Variants in EYA4 observed in about 807,000 individuals in gnomAD.
EYA4 encodes the protein protein phosphatase EYA4.
Under a neutral mutation model 87.9 loss-of-function variants are expected in EYA4, and 31 were observed. The observed-to-expected ratio is 0.35, with a 90% CI of 0.27 to 0.48. EYA4 has a LOEUF of 0.48. Ranked by LOEUF, EYA4 falls within the 20% of genes least tolerant of loss-of-function variation. EYA4 has a pLI of 0.99. For synonymous variants in EYA4, 263 were observed against 270.6 expected, an observed-to-expected ratio of 0.97 and a Z score of 0.28; for missense variants, 678 against 761.4, an observed-to-expected ratio of 0.89 and a Z score of 1.29.
At chr6:133,294,567 CT>C (rs1186312035) in intron 2 of EYA4, among the ~76,000 whole-genome samples, 1 of 151,374 alleles carries the variant, frequency 6.6e-6, no homozygotes, top group Non-Finnish European at 1.5e-5. Flanking sequence ...ATTTCTTCTT[CT>C]TTTTTTAATT....
chr6:133,342,690 A>G (rs1354058565), intron 2 of EYA4, among the ~76,000 whole-genome samples: 2 of 150,298 alleles, frequency 1.3e-5, no homozygotes, highest in Non-Finnish European at 3.0e-5. Flanking sequence ...TAGCATTTTT[A>G]TATCTGGGCC....
At chr6:133,334,722 A>G (rs1338809436) in intron 2 of EYA4, among the ~76,000 whole-genome samples, 1 of 152,200 alleles carries the variant, frequency 6.6e-6, no homozygotes, top group East Asian at 1.9e-4. Context: ...TATAAAATAG[A>G]CTATTGAAAA....
At chr6:133,241,118 G>A (rs1444635858), upstream of EYA4, among the ~76,000 whole-genome samples, 2 of 152,096 alleles carry the variant, frequency 1.3e-5, no homozygotes, top group Non-Finnish European at 2.9e-5. Context: ...CGAGGCCCTG[G>A]GCGGTCCCCA....
chr6:133,467,957 G>A (rs1794993002), intron 10 of EYA4, among the ~76,000 whole-genome samples: 1 of 152,068 alleles, frequency 6.6e-6, no homozygotes, highest in Non-Finnish European at 1.5e-5. Flanking sequence ...CTAAATCATT[G>A]AAAAGTTCAC....
intron 9 of EYA4, among the ~76,000 whole-genome samples, chr6:133,463,575 G>A (rs920852749): frequency 3.4e-4 from 52 of 151,932 alleles, no homozygotes; most frequent in African/African-American, 1.0e-3. Context: ...TGATCAGGCT[G>A]GTCTCAAACT....
At chr6:133,519,314 T>C (rs904331456) in intron 17 of EYA4, among the ~76,000 whole-genome samples, 9 of 151,854 alleles carry the variant, frequency 5.9e-5, no homozygotes, top group African/African-American at 1.9e-4. Context: ...ATAAAGGGGA[T>C]ATCACCACCA....
At chr6:133,523,882 G>A (rs1800400486) in intron 18 of EYA4, among the ~76,000 whole-genome samples, 1 of 152,104 alleles carries the variant, frequency 6.6e-6, no homozygotes, top group South Asian at 2.1e-4. Flanking sequence ...GAAAATAAAT[G>A]GGTTGTGTAA....
intron 11 of EYA4, among the ~76,000 whole-genome samples, chr6:133,469,207 G>GAAAC (rs1795119750): frequency 6.6e-6 from 1 of 151,972 alleles, no homozygotes; most frequent in African/African-American, 2.4e-5. Flanking sequence ...TCCATTGTGT[G>GAAAC]TTTCATTATC....
intron 17 of EYA4, among the ~76,000 whole-genome samples, chr6:133,518,405 T>TA (rs1799791972): frequency 6.6e-6 from 1 of 152,086 alleles, no homozygotes; most frequent in Non-Finnish European, 1.5e-5. Flanking sequence ...CCACATATAT[T>TA]ACCATATTGA....
intron 2 of EYA4, among the ~76,000 whole-genome samples, chr6:133,379,230 C>T (rs746684948): frequency 5.1e-4 from 78 of 151,926 alleles, no homozygotes; most frequent in Non-Finnish European, 9.6e-4. Flanking sequence ...CATGATTGCA[C>T]CTATGAATAG....
intron 17 of EYA4, among the ~76,000 whole-genome samples, chr6:133,517,122 A>G (rs1340497823): frequency 6.6e-6 from 1 of 152,174 alleles, no homozygotes; most frequent in African/African-American, 2.4e-5. Flanking sequence ...GAACTAATTT[A>G]CACTCCCACC....
chr6:133,485,891 C>T (rs565365870), intron 13 of EYA4, among the ~76,000 whole-genome samples: 5 of 152,204 alleles, frequency 3.3e-5, no homozygotes, highest in South Asian at 2.1e-4. Flanking sequence ...GTGGTTCAGC[C>T]GATGTTTGAC....
At chr6:133,273,097 G>GTATATATATATATA (rs3065331) in intron 1 of EYA4, among the ~76,000 whole-genome samples, 10 of 106,636 alleles carry the variant, frequency 9.4e-5, no homozygotes, top group African/African-American at 3.2e-4. Flanking sequence ...ATATATATAT[G>GTATATATATATATA]TATATATATA....
intron 2 of EYA4, among the ~76,000 whole-genome samples, chr6:133,318,904 G>T (rs1303375354): frequency 6.6e-6 from 1 of 152,160 alleles, no homozygotes; most frequent in Non-Finnish European, 1.5e-5. Flanking sequence ...TTAATGCGAT[G>T]ATCTGAGCAT....
chr6:133,360,658 C>A (rs1165234207), intron 2 of EYA4: 9 of 152,136 alleles, frequency 5.9e-5, no homozygotes, highest in Admixed American at 5.9e-4. Context: ...AAGAAAGTGG[C>A]ATTTCAACAC....
At chr6:133,352,637 A>G (rs1392889119) in intron 2 of EYA4, among the ~76,000 whole-genome samples, 1 of 152,192 alleles carries the variant, frequency 6.6e-6, no homozygotes, top group South Asian at 2.1e-4. Context: ...ACACTATTTC[A>G]TCAGTAAATA....
At chr6:133,347,378 T>A (rs1291031638) in intron 2 of EYA4, among the ~76,000 whole-genome samples, 1 of 152,160 alleles carries the variant, frequency 6.6e-6, no homozygotes, top group African/African-American at 2.4e-5. Context: ...TTTCAAAATA[T>A]ATAACTGCAT....
chr6:133,478,572 T>A (rs897972912), intron 11 of EYA4, among the ~76,000 whole-genome samples: 10 of 152,188 alleles, frequency 6.6e-5, no homozygotes, highest in East Asian at 1.9e-4. Context: ...ATAAAAAAAA[T>A]TTTTAAAGAA....
chr6:133,295,644 T>A (rs1442487593), intron 2 of EYA4, among the ~76,000 whole-genome samples: 3 of 152,240 alleles, frequency 2.0e-5, no homozygotes, highest in Admixed American at 2.0e-4. Context: ...TACATTCTCT[T>A]TTTAAAGACA....
Sources: allele counts gnomAD v4.1 joint callset (sites outside exome capture counted in the v4.1 genomes callset), GRCh38; gene constraint gnomAD v4.1.1; transcripts MANE v1.5; gene names NCBI Gene and HGNC (gene_info 2026-07-23, HGNC 2026-07-21).